The following IMMP2L variants were observed in gnomAD, a reference collection of about 807,000 sequenced individuals.
IMMP2L encodes mitochondrial inner membrane protease subunit 2.
Under a neutral mutation model 19.3 loss-of-function variants are expected in IMMP2L, and 18 were observed. The ratio of observed to expected loss-of-function variants is 0.93; its 90% CI spans 0.64 to 1.38. The LOEUF (loss-of-function observed/expected upper bound fraction) is 1.38. IMMP2L is among the 40% of genes most tolerant of loss of function. IMMP2L has a pLI of 0.00. For missense variants in IMMP2L, 233 were observed against 218.2 expected (o/e 1.07, Z -0.43); for synonymous variants, 76 against 73.0 (o/e 1.04, Z -0.21).
At chr7:111,044,341 C>T (rs1792177485) in intron 3 of IMMP2L, among the ~76,000 whole-genome samples, 1 of 152,148 alleles carries the variant, frequency 6.6e-6, no homozygotes, top group African/African-American at 2.4e-5. Flanking sequence ...CAGTGGATCA[C>T]CCGAGGTCAG....
chr7:110,910,474 C>T (rs907280891), intron 4 of IMMP2L, among the ~76,000 whole-genome samples: 3 of 152,060 alleles, frequency 2.0e-5, no homozygotes, highest in Admixed American at 1.3e-4. Context: ...GGATTGTAGA[C>T]AAAACCAGGA....
chr7:110,742,331 A>G (rs1213964664), intron 5 of IMMP2L, among the ~76,000 whole-genome samples: 1 of 152,202 alleles, frequency 6.6e-6, no homozygotes, highest in Non-Finnish European at 1.5e-5. Flanking sequence ...TAGACTTCTA[A>G]GAGCCCAGGG....
At chr7:111,197,200 C>T (rs1311293697) in intron 3 of IMMP2L, among the ~76,000 whole-genome samples, 2 of 152,086 alleles carry the variant, frequency 1.3e-5, no homozygotes, top group Non-Finnish European at 2.9e-5. Context: ...CGGTGGCTCA[C>T]GCCTGTAATC....
In IMMP2L at chr7:111,298,307, C is replaced by A. The variant is rs190971834; in HGVS notation, c.239+188931G>T. 2.2e-3 allele frequency among the ~76,000 whole-genome samples: 339 copies of A among 152,246 alleles called. 5 individuals carry two copies. Among genetic ancestry groups the A allele is most frequent in the Non-Finnish European group, 6.5e-4 (44 of 68,014 alleles). On this transcript the variant is annotated intron_variant, in intron 3 of 5. Transcript: ENST00000405709. ...CACTTATGAGTTACATACCCTTGGG[C>A]AAATTACTTAATCTTTCTGTGCCAA... is the stretch of plus-strand genomic sequence containing the variant.
chr7:110,683,381 A>G (rs1319856875), intron 5 of IMMP2L, among the ~76,000 whole-genome samples: 2 of 152,108 alleles, frequency 1.3e-5, no homozygotes, highest in African/African-American at 4.8e-5. Context: ...GAATTTCACA[A>G]GCTTTTAATA....
intron 5 of IMMP2L, among the ~76,000 whole-genome samples, chr7:110,799,983 A>C (rs1054952764): frequency 6.6e-6 from 1 of 152,084 alleles, no homozygotes; most frequent in Non-Finnish European, 1.5e-5. Flanking sequence ...TGGTACCATA[A>C]ATTTTAACAC....
chr7:110,844,693 T>TAGCGCACCAGCATGGCACATGTA (rs1563019069), intron 5 of IMMP2L, among the ~76,000 whole-genome samples: 136 of 116,412 alleles, frequency 1.2e-3, no homozygotes, highest in South Asian at 2.4e-3. Flanking sequence ...GGGAAGACAG[T>TAGCGCACCAGCATGGCACATGTA]TAAGAAACTT....
chr7:111,151,705 G>A lies in IMMP2L; in HGVS notation c.240-188140C>T, dbSNP rs189044094. Reference sequence around the variant, plus strand: ...TCTAACACCACCATGTTAGGAGGCCGAGGTGGGCAGATGACCTGAGATCAG... The same window carrying A: ...TCTAACACCACCATGTTAGGAGGCCAAGGTGGGCAGATGACCTGAGATCAG... On this transcript the variant is annotated intron_variant, in intron 3 of 5. Coordinates refer to ENST00000405709, the MANE Select transcript of IMMP2L (RefSeq NM_032549.4). Among the ~76,000 whole-genome samples the A allele has an allele frequency of 2.1e-3, 317 of 152,284 alleles. 2 individuals are homozygous for A. Among genetic ancestry groups the A allele is most frequent in the African/African-American group, 7.2e-3 (299 of 41,564 alleles).
At chr7:111,154,668 C>A (rs1804445209) in intron 3 of IMMP2L, among the ~76,000 whole-genome samples, 1 of 152,154 alleles carries the variant, frequency 6.6e-6, no homozygotes, top group Admixed American at 6.6e-5. Flanking sequence ...TCAATAAACT[C>A]TTAATAACAG....
chr7:111,417,779 A>C (rs974205468), intron 3 of IMMP2L, among the ~76,000 whole-genome samples: 6 of 151,954 alleles, frequency 3.9e-5, no homozygotes, highest in Non-Finnish European at 7.3e-5. Flanking sequence ...TATTAGGAAT[A>C]GAGTTGATAG....
intron 3 of IMMP2L, among the ~76,000 whole-genome samples, chr7:111,307,099 C>T (rs1386284192): frequency 6.6e-6 from 1 of 150,654 alleles, no homozygotes; most frequent in Non-Finnish European, 1.5e-5. Flanking sequence ...ATGGGAACCT[C>T]AAAAAAGGAA....
intron 3 of IMMP2L, among the ~76,000 whole-genome samples, chr7:111,167,211 C>A (rs1264724591): frequency 6.6e-6 from 1 of 151,924 alleles, no homozygotes; most frequent in East Asian, 1.9e-4. Flanking sequence ...CTCATCAAAG[C>A]CTGTCTTTAG....
intron 3 of IMMP2L, among the ~76,000 whole-genome samples, chr7:111,167,076 G>A (rs1805903983): frequency 6.6e-6 from 1 of 151,912 alleles, no homozygotes; most frequent in Non-Finnish European, 1.5e-5. Flanking sequence ...ACAAGCCCAT[G>A]TGAAGCTGTT....
chr7:111,370,483 T>C (rs1023305131), intron 3 of IMMP2L, among the ~76,000 whole-genome samples: 5 of 152,016 alleles, frequency 3.3e-5, no homozygotes, highest in African/African-American at 1.2e-4. Context: ...AAAACGTCTA[T>C]GGAAAAACTT....
intron 3 of IMMP2L, among the ~76,000 whole-genome samples, chr7:111,423,374 T>C (rs941599517): frequency 6.6e-6 from 1 of 151,846 alleles, no homozygotes; most frequent in African/African-American, 2.4e-5. Context: ...AGCCTATTAA[T>C]TATTGCCTCA....
chr7:111,422,659 G>C (rs1471086317), intron 3 of IMMP2L, among the ~76,000 whole-genome samples: 1 of 151,882 alleles, frequency 6.6e-6, no homozygotes, highest in African/African-American at 2.4e-5. Context: ...CATGTCATCT[G>C]CAAACAGGAA....
intron 3 of IMMP2L, among the ~76,000 whole-genome samples, chr7:111,465,456 G>T (rs1563225784): frequency 7.4e-6 from 1 of 134,696 alleles, no homozygotes; most frequent in African/African-American, 2.8e-5. Flanking sequence ...TTGTTTAATT[G>T]TTTGGGGATG....
At chr7:111,410,775 A>T (rs1207428763) in intron 3 of IMMP2L, among the ~76,000 whole-genome samples, 7 of 151,878 alleles carry the variant, frequency 4.6e-5, no homozygotes, top group African/African-American at 1.5e-4. Context: ...TTTGATACGA[A>T]AATGTTGCAG....
chr7:111,250,448 A>G (rs1815969162), intron 3 of IMMP2L, among the ~76,000 whole-genome samples: 1 of 152,134 alleles, frequency 6.6e-6, no homozygotes, highest in Admixed American at 6.6e-5. Context: ...AATAGCCACA[A>G]CAATCCTAAG....
Sources: gnomAD v4.1 joint callset for allele counts (sites outside exome capture counted in the v4.1 genomes callset) on GRCh38, gnomAD v4.1.1 for gene constraint, MANE v1.5 for transcripts, NCBI Gene and HGNC (gene_info 2026-07-23, HGNC 2026-07-21) for gene names.